The following PDE4B variants were observed in gnomAD, a reference collection of about 807,000 sequenced individuals.
PDE4B encodes 3',5'-cyclic-AMP phosphodiesterase 4B.
PDE4B carries 20 observed loss-of-function variants against 82.2 expected under a neutral mutation model. That is an observed-to-expected ratio of 0.24 (90% CI 0.17 to 0.35). PDE4B has a LOEUF of 0.35. Among genes scored for constraint, PDE4B ranks in the 10% least tolerant of loss-of-function variants. The probability of loss-of-function intolerance (pLI) is 1.00; values close to 1 mark genes in which losing one functional copy is unlikely to be tolerated. For synonymous variants in PDE4B, 320 were observed against 318.9 expected (o/e 1.00, Z -0.04); for missense variants, 655 against 907.2 (o/e 0.72, Z 3.57).
intron 3 of PDE4B, among the ~76,000 whole-genome samples, chr1:66,054,858 T>A (rs1655217874): frequency 6.6e-6 from 1 of 152,198 alleles, no homozygotes; most frequent in African/African-American, 2.4e-5. Context: ...GTGTTATTGT[T>A]TCCCTAATCC....
At chr1:66,017,823 T>C (rs1652861743) in intron 3 of PDE4B, among the ~76,000 whole-genome samples, 1 of 148,592 alleles carries the variant, frequency 6.7e-6, no homozygotes, top group South Asian at 2.2e-4. Context: ...CCAGTATTAG[T>C]GAGATTTTTA....
chr1:65,885,554 C>A (rs1303441006), intron 1 of PDE4B, among the ~76,000 whole-genome samples: 5 of 152,036 alleles, frequency 3.3e-5, no homozygotes, highest in Admixed American at 6.6e-5. Context: ...AGTTCACGTC[C>A]TTTGTAGGGA....
chr1:66,098,226 T>A (rs1490570455), intron 3 of PDE4B, among the ~76,000 whole-genome samples: 4 of 152,154 alleles, frequency 2.6e-5, no homozygotes, highest in Non-Finnish European at 5.9e-5. Context: ...TCTATCTCAG[T>A]GCAGCTCCTT....
intron 7 of PDE4B, among the ~76,000 whole-genome samples, chr1:66,306,980 C>T (rs538336): frequency 0.61 from 93,114 of 151,508 alleles, 29,140 homozygotes; most frequent in African/African-American, 0.7. Context: ...TTTGAAGGTG[C>T]GAAAACAAAT....
At position 66,363,410 on chromosome 1, in the gene PDE4B, A is replaced by G; in HGVS notation, c.1123A>G (p.Arg375Gly). 1.2e-6 allele frequency: 2 copies of G among 1,611,582 alleles called. No homozygotes were observed. The highest frequency in any genetic ancestry group is 1.7e-6 in the Non-Finnish European group (2 of 1,178,356). ...TCTAATCCATTTTACAACACAGGAA[A>G]GAGACCTCCTAAAGACATTCAGAAT... ...TCIMYAIFQE[R>G]DLLKTFRISS... The change falls in exon 12 of 17, where the codon AGA becomes GGA. Residue 375 changes from arginine to glycine, a missense_variant. Arg to Gly is a moderately radical substitution (Grantham distance 125). Coordinates refer to ENST00000341517, the MANE Select transcript of PDE4B (RefSeq NM_002600.4).
intron 3 of PDE4B, among the ~76,000 whole-genome samples, chr1:66,123,252 G>A (rs188691817): frequency 3.5e-4 from 54 of 152,230 alleles, no homozygotes; most frequent in Non-Finnish European, 6.5e-4. Flanking sequence ...TGAGTTCAAC[G>A]TGTATGATAA....
chr1:66,363,005 G>A (rs191833664), intron 10 of PDE4B, among the ~76,000 whole-genome samples, 163 bp from the exon 11 acceptor site: 115 of 152,176 alleles, frequency 7.6e-4, no homozygotes, highest in African/African-American at 2.3e-3. Context: ...GAGGACACCC[G>A]ACCTCCTAGG....
chr1:66,083,648 G>A (rs1401938857), intron 3 of PDE4B, among the ~76,000 whole-genome samples: 2 of 151,898 alleles, frequency 1.3e-5, no homozygotes, highest in African/African-American at 4.8e-5. Context: ...ATTCCATGCC[G>A]CTCATTTGAC....
chr1:65,937,405 A>G (rs1259085305), intron 3 of PDE4B, among the ~76,000 whole-genome samples: 1 of 152,228 alleles, frequency 6.6e-6, no homozygotes, highest in Non-Finnish European at 1.5e-5. Flanking sequence ...ACAAGTTGAC[A>G]GTCGCATGAG....
intron 8 of PDE4B, among the ~76,000 whole-genome samples, chr1:66,352,791 G>T (rs1478500242): frequency 6.6e-6 from 1 of 151,836 alleles, no homozygotes; most frequent in Non-Finnish European, 1.5e-5. Context: ...TGGCAAATAC[G>T]TGAAAAAAGG....
intron 3 of PDE4B, among the ~76,000 whole-genome samples, chr1:66,207,702 A>G (rs1649665716): frequency 6.6e-6 from 1 of 152,220 alleles, no homozygotes; most frequent in East Asian, 1.9e-4. Flanking sequence ...ATGGTGAGTC[A>G]TTGGCTGCAG....
At chr1:66,037,719 C>G (rs1254314640) in intron 3 of PDE4B, among the ~76,000 whole-genome samples, 1 of 152,010 alleles carries the variant, frequency 6.6e-6, no homozygotes, top group Admixed American at 6.6e-5. Flanking sequence ...AAGTCTTCAG[C>G]TTTTTACCAT....
intron 3 of PDE4B, among the ~76,000 whole-genome samples, chr1:66,097,129 A>G (rs1282183423): frequency 6.6e-6 from 1 of 152,046 alleles, no homozygotes; most frequent in Non-Finnish European, 1.5e-5. Context: ...GAAGGGGATT[A>G]CTGGATGGCA....
chr1:66,277,650 T>C (rs887685221), intron 7 of PDE4B, among the ~76,000 whole-genome samples: 2 of 152,224 alleles, frequency 1.3e-5, no homozygotes, highest in African/African-American at 2.4e-5. Flanking sequence ...TGCCTCGGCC[T>C]CCCAAAGTGC....
intron 1 of PDE4B, among the ~76,000 whole-genome samples, chr1:65,860,879 C>T (rs1162704090): frequency 6.6e-6 from 1 of 152,168 alleles, no homozygotes; most frequent in African/African-American, 2.4e-5. Context: ...CCTTCACCCA[C>T]TTTTTGATGG....
chr1:65,974,199 A>C (rs532688153), intron 3 of PDE4B, among the ~76,000 whole-genome samples: 1 of 152,246 alleles, frequency 6.6e-6, no homozygotes, highest in Non-Finnish European at 1.5e-5. Flanking sequence ...TCCTCCTTAC[A>C]TGTGGCGATA....
chr1:66,277,954 G>A (rs891532328), intron 7 of PDE4B, among the ~76,000 whole-genome samples: 4 of 152,194 alleles, frequency 2.6e-5, no homozygotes, highest in African/African-American at 9.7e-5. Flanking sequence ...GTTTAATGGG[G>A]ATAATAATAG....
chr1:66,332,089 C>T (rs756299313), intron 7 of PDE4B: 1 of 1,151,014 alleles, frequency 8.7e-7, no homozygotes, highest in Non-Finnish European at 1.1e-6. Flanking sequence ...CTTGAGATGG[C>T]AAAGCACTCA....
intron 1 of PDE4B, among the ~76,000 whole-genome samples, chr1:65,857,613 G>A (rs1646407987): frequency 1.3e-5 from 2 of 152,280 alleles, no homozygotes; most frequent in Admixed American, 6.5e-5. Context: ...CTTGAGCCCA[G>A]GAGTTTGAAT....
Sources: gnomAD v4.1 joint callset for allele counts (sites outside exome capture counted in the v4.1 genomes callset) on GRCh38, gnomAD v4.1.1 for gene constraint, MANE v1.5 for transcripts, NCBI Gene and HGNC (gene_info 2026-07-23, HGNC 2026-07-21) for gene names.